KIF26B: variants seen among roughly 807,000 people sequenced by gnomAD.
KIF26B encodes the protein kinesin-like protein KIF26B.
In KIF26B, 63 loss-of-function variants were observed where a neutral mutation model predicts 151.2. The ratio of observed to expected loss-of-function variants is 0.42; its 90% CI spans 0.34 to 0.51. KIF26B has a LOEUF of 0.51. KIF26B is among the 20% of genes least tolerant of loss of function. The probability of loss-of-function intolerance (pLI) is 0.07; values close to 1 mark genes in which losing one functional copy is unlikely to be tolerated. For synonymous variants in KIF26B, 1,357 were observed against 1,262.1 expected, an observed-to-expected ratio of 1.08 and a Z score of -1.59; for missense variants, 2,813 against 2,913.6, an observed-to-expected ratio of 0.97 and a Z score of 0.79.
intron 2 of KIF26B, among the ~76,000 whole-genome samples, chr1:245,286,718 C>T (rs749358411): frequency 6.6e-6 from 1 of 152,158 alleles, no homozygotes; most frequent in Non-Finnish European, 1.5e-5. Flanking sequence ...GGTGGCTATT[C>T]ATAAATTAAT....
At chr1:245,354,245 G>T (rs566033908) in intron 2 of KIF26B, among the ~76,000 whole-genome samples, 1 of 152,116 alleles carries the variant, frequency 6.6e-6, no homozygotes, top group African/African-American at 2.4e-5. Flanking sequence ...TTGCCTTATC[G>T]TGGCTTTTGT....
intron 3 of KIF26B, among the ~76,000 whole-genome samples, chr1:245,417,874 A>G (rs1178929294): frequency 1.3e-5 from 2 of 150,978 alleles, no homozygotes; most frequent in Non-Finnish European, 3.0e-5. Flanking sequence ...CCTTCCCTCC[A>G]AATTTTAGAT....
intron 4 of KIF26B, among the ~76,000 whole-genome samples, chr1:245,443,231 C>T (rs557772160): frequency 2.7e-5 from 4 of 148,696 alleles, no homozygotes; most frequent in Admixed American, 6.8e-5. Context: ...TCACCTACAG[C>T]GGTCATCTCC....
At position 245,367,870 on chromosome 1, in the gene KIF26B, A is replaced by T. The variant is rs1324226368; in HGVS notation, c.999+503A>T. Among the ~76,000 whole-genome samples the T allele has an allele frequency of 6.6e-6, 1 of 152,240 alleles. No individual in the cohort carries two copies. Among genetic ancestry groups the T allele is most frequent in the African/African-American group, 2.4e-5 (1 of 41,468 alleles). On this transcript the variant is annotated intron_variant, in intron 3 of 14. Transcript: ENST00000407071. The surrounding 1 kb of genome is among the most constrained non-coding windows in gnomAD (Gnocchi z 4.2). ...ATAAGGTAGTGTTTGCATGACATGT[A>T]GGCCAACACCTGCCATATAGTAGGG...
chr1:245,677,717 G>A (rs2147946200), intron 10 of KIF26B, among the ~76,000 whole-genome samples: 1 of 152,366 alleles, frequency 6.6e-6, no homozygotes, highest in East Asian at 1.9e-4. Flanking sequence ...ACGTAGGAAT[G>A]TTCAGGAAGC....
intron 8 of KIF26B, among the ~76,000 whole-genome samples, chr1:245,610,543 CAG>C (rs1664857526): frequency 6.6e-6 from 1 of 152,042 alleles, no homozygotes; most frequent in African/African-American, 2.4e-5. Flanking sequence ...ATCAAATGTG[CAG>C]AGACAGTATC....
intron 4 of KIF26B, among the ~76,000 whole-genome samples, chr1:245,515,339 G>A (rs1193204779): frequency 6.6e-6 from 1 of 152,118 alleles, no homozygotes; most frequent in Non-Finnish European, 1.5e-5. Context: ...CGCTTACCGT[G>A]CAGCCATCAC....
chr1:245,646,028 T>C, intron 9 of KIF26B, 93 bp from the exon 10 acceptor site: 1 of 1,370,880 alleles, frequency 7.3e-7, no homozygotes, highest in Non-Finnish European at 9.9e-7. Context: ...CCCCTTCTCA[T>C]TTTGCCTCAG....
chr1:245,540,975 A>G lies in KIF26B; in HGVS notation c.1350+25A>G, dbSNP rs751457476. On this transcript the variant is annotated intron_variant, in intron 5 of 14. Coordinates refer to ENST00000407071, the MANE Select transcript of KIF26B (RefSeq NM_018012.4). This position sits in a 1 kb window ranked among gnomAD's most constrained non-coding sequence, Gnocchi z 4.6. ...GGTAGGACCATCCGCCGTCCCTGCC[A>G]TTTGCCCAGTGTGCGAGGTTCTGGA... The G allele has an allele frequency of 1.3e-6, 2 of 1,589,064 alleles. No homozygotes were observed. The highest frequency in any genetic ancestry group is 1.7e-6 in the Non-Finnish European group (2 of 1,164,100).
intron 3 of KIF26B, among the ~76,000 whole-genome samples, chr1:245,376,034 G>A (rs541579620): frequency 1.6e-4 from 24 of 151,854 alleles, no homozygotes; most frequent in African/African-American, 5.5e-4. Flanking sequence ...TTACAATTAT[G>A]TAAGTCTCAT....
At chr1:245,574,238 G>A (rs922785873) in intron 5 of KIF26B, among the ~76,000 whole-genome samples, 1 of 152,122 alleles carries the variant, frequency 6.6e-6, no homozygotes, top group Non-Finnish European at 1.5e-5. Flanking sequence ...CCACCTCCCG[G>A]GTTCAAGCGA....
chr1:245,527,941 C>T (rs1254357203), intron 4 of KIF26B, among the ~76,000 whole-genome samples: 1 of 151,956 alleles, frequency 6.6e-6, no homozygotes, highest in East Asian at 1.9e-4. Context: ...CTAGGTGGAA[C>T]TTAGGAAAAG....
At position 245,646,205 on chromosome 1, in the gene KIF26B, GGCTGTGTCTCTC is replaced by G; in HGVS notation, c.2189_2200del (p.Cys730_Leu733del). The G allele has an allele frequency of 6.2e-7, 1 of 1,613,974 alleles. No homozygotes were observed. Among genetic ancestry groups the G allele is most frequent in the Non-Finnish European group, 8.5e-7 (1 of 1,179,892 alleles). The stretch of plus-strand genomic sequence containing the variant: ...AGCAAAAATCGAGAAGGAGGCTCAG[GGCTGTGTCTCTC>G]GCTGTCTGCTCTGGGCAATGTCATC... On this transcript the variant is annotated inframe_deletion, in exon 10 of 15. Coordinates refer to ENST00000407071, the MANE Select transcript of KIF26B (RefSeq NM_018012.4).
At chr1:245,236,885 A>G (rs1235628320) in intron 2 of KIF26B, among the ~76,000 whole-genome samples, 1 of 152,218 alleles carries the variant, frequency 6.6e-6, no homozygotes, top group African/African-American at 2.4e-5. Flanking sequence ...TGTTGCTTGA[A>G]TAAATGAATG....
rs1660337918 is a variant in KIF26B, at chr1:245,488,853, T to G, written c.1167-51914T>G. 6.6e-6 allele frequency among the ~76,000 whole-genome samples: 1 copy of G among 152,178 alleles called. No individual in the cohort carries two copies. Among genetic ancestry groups the G allele is most frequent in the South Asian group, 2.1e-4 (1 of 4,830 alleles). On this transcript the variant is annotated intron_variant, in intron 4 of 14. Coordinates refer to ENST00000407071, the MANE Select transcript of KIF26B (RefSeq NM_018012.4). The surrounding 1 kb of genome is among the most constrained non-coding windows in gnomAD (Gnocchi z 4.6). ...TCCTTAATAACAGAGGGACCAAGACTCGATTCTTTATGCCTTAGGCTAGGT... is the reference window on the plus strand; with the variant it reads ...TCCTTAATAACAGAGGGACCAAGACGCGATTCTTTATGCCTTAGGCTAGGT...
chr1:245,699,707 G>A (rs1215653521), intron 14 of KIF26B, among the ~76,000 whole-genome samples: 1 of 152,178 alleles, frequency 6.6e-6, no homozygotes, highest in Non-Finnish European at 1.5e-5. Flanking sequence ...GCTAATGCTG[G>A]AAGACTCAGT....
At chr1:245,353,388 C>T (rs1309101671) in intron 2 of KIF26B, among the ~76,000 whole-genome samples, 2 of 152,232 alleles carry the variant, frequency 1.3e-5, no homozygotes, top group Non-Finnish European at 2.9e-5. Flanking sequence ...TGAAAGTTCT[C>T]TGAGAAGCCA....
intron 3 of KIF26B, among the ~76,000 whole-genome samples, chr1:245,394,676 G>GTTTTTT (rs907763110): frequency 7.5e-6 from 1 of 132,618 alleles, no homozygotes; most frequent in Non-Finnish European, 1.6e-5. Context: ...GTACCTTCAA[G>GTTTTTT]TTTTTTTCTT....
chr1:245,463,627 C>A (rs535106018), intron 4 of KIF26B, among the ~76,000 whole-genome samples: 1 of 152,292 alleles, frequency 6.6e-6, no homozygotes. Context: ...ACTTAATACC[C>A]ACTTGTCCCA....
Sources: allele counts gnomAD v4.1 joint callset (sites outside exome capture counted in the v4.1 genomes callset), GRCh38; gene constraint gnomAD v4.1.1; non-coding constraint Gnocchi (gnomAD v3.1); transcripts MANE v1.5; gene names NCBI Gene and HGNC (gene_info 2026-07-23, HGNC 2026-07-21).